HLTF: variants seen among roughly 807,000 people sequenced by gnomAD.
The protein encoded by HLTF is DNA-dependent ATPase/E3 ubiquitin-protein ligase HLTF.
In HLTF, 127 loss-of-function variants were observed where a neutral mutation model predicts 129.4. The observed-to-expected ratio is 0.98, with a 90% CI of 0.85 to 1.14. The LOEUF is 1.14. HLTF is among the 50% of genes most tolerant of loss of function. The pLI is 0.00. For missense variants in HLTF, 1,139 were observed against 1,187.1 expected, an observed-to-expected ratio of 0.96 and a Z score of 0.60; for synonymous variants, 332 against 388.8, an observed-to-expected ratio of 0.85 and a Z score of 1.72.
chr3:149,036,130 A>G (rs980130149), intron 23 of HLTF, among the ~76,000 whole-genome samples: 8 of 151,634 alleles, frequency 5.3e-5, no homozygotes, highest in Non-Finnish European at 7.4e-5. Flanking sequence ...GCGAGACTAC[A>G]TCTCAAAAAA....
At chr3:149,039,473 A>C (rs530609093) in intron 22 of HLTF, 108 bp downstream of exon 22, 1 of 637,644 alleles carries the variant, frequency 1.6e-6, no homozygotes, top group Admixed American at 3.6e-5. Flanking sequence ...TCTTTCAGAT[A>C]AAATGACTAA....
At position 149,061,785 on chromosome 3, in the gene HLTF, G is replaced by A. The variant is rs574556252; in HGVS notation, c.1161-927C>T. ...CGGGAGGCAGAGGTTGCAGTGAGCC[G>A]AGATCATGCCATTGCACTCCAGCCT... On this transcript the variant is annotated intron_variant, in intron 10 of 24. Coordinates refer to ENST00000310053, the MANE Select transcript of HLTF (RefSeq NM_003071.4). Among the ~76,000 whole-genome samples the A allele has an allele frequency of 4.0e-5, 6 of 149,254 alleles. No individual in the cohort carries two copies. In the South Asian group the frequency reaches 1.3e-3, roughly 31 times the overall value.
Position 149,031,967 on chromosome 3 carries a change from C to T in HLTF, c.*253G>A, listed in dbSNP as rs1715096213. On this transcript the variant is annotated 3_prime_UTR_variant, in exon 25 of 25. Coordinates refer to ENST00000310053, the MANE Select transcript of HLTF (RefSeq NM_003071.4). The stretch of plus-strand genomic sequence containing the variant: ...TACTCAGCATAGATATTATGAAAAG[C>T]TGAATAACAAAGTAACCTTTTTTCT... The T allele has an allele frequency of 2.0e-5, 5 of 252,002 alleles. No individual in the cohort carries two copies. 15.6% of individuals were successfully genotyped at this position (252,002 alleles called of 1,614,324 possible). A position where few individuals can be genotyped will look rare whatever the true frequency, so the allele number is the denominator to read the frequency against.
rs557624447 is a variant in HLTF, at chr3:149,045,598, T to G, written c.2072+482A>C. On this transcript the variant is annotated intron_variant, in intron 18 of 24. Transcript: ENST00000310053. ...ATTCCTATCAAACCTGCTTTGTACC[T>G]ACCTCACTGAAGTTTTTATGTTTTG... Among the ~76,000 whole-genome samples, 16 of 152,326 alleles carry G rather than the reference T, an allele frequency of 1.1e-4. No homozygotes were observed. The East Asian group carries it at 2.9e-3, about 28-fold the overall frequency.
chr3:149,079,558 T>C (rs1274655261), intron 2 of HLTF, among the ~76,000 whole-genome samples: 2 of 151,666 alleles, frequency 1.3e-5, no homozygotes, highest in African/African-American at 2.4e-5. Flanking sequence ...AGGAAGGCAA[T>C]AGGATGGAGC....
intron 2 of HLTF, among the ~76,000 whole-genome samples, chr3:149,079,373 T>TAAAAAAAAAAAAAAAAAAAAAAAA (rs71135659): frequency 1.7e-5 from 1 of 57,230 alleles, no homozygotes; most frequent in African/African-American, 6.3e-5. Context: ...CGACAGTTTC[T>TAAAAAAAAAAAAAAAAAAAAAAAA]AAAAAAAAAA....
chr3:149,083,288 A>C (rs1302519648), intron 2 of HLTF, among the ~76,000 whole-genome samples: 2 of 152,042 alleles, frequency 1.3e-5, no homozygotes, highest in Non-Finnish European at 2.9e-5. Flanking sequence ...AACATGCATT[A>C]ATTATAAAAT....
intron 8 of HLTF, among the ~76,000 whole-genome samples, chr3:149,068,034 C>T (rs1718545748): frequency 6.6e-6 from 1 of 152,094 alleles, no homozygotes; most frequent in Admixed American, 6.5e-5. Flanking sequence ...GCACTCCAGC[C>T]TGGGCAACAG....
intron 24 of HLTF, among the ~76,000 whole-genome samples, chr3:149,034,407 T>C (rs1715392674): frequency 6.6e-6 from 1 of 152,040 alleles, no homozygotes; most frequent in African/African-American, 2.4e-5. Flanking sequence ...AGTAGAATGG[T>C]AGTTGCCAGG....
In HLTF at chr3:149,030,173, A is replaced by G. The variant is rs557682228; in HGVS notation, c.*2047T>C. On this transcript the variant is annotated 3_prime_UTR_variant, in exon 25 of 25. Transcript: ENST00000310053. The stretch of plus-strand genomic sequence containing the variant: ...TTTTTAAATTTAAAATCCAGTTTTA[A>G]CCACAAAATTGTTTGAATCACAAGT... 2 of 152,324 alleles carry G rather than the reference A, an allele frequency of 1.3e-5. No homozygotes were observed. Among genetic ancestry groups the G allele is most frequent in the South Asian group, 4.1e-4 (2 of 4,830 alleles). 9.4% of individuals were successfully genotyped at this position (152,324 alleles called of 1,614,324 possible).
At chr3:149,039,925 C>T in intron 21 of HLTF, 106 bp downstream of exon 21, 1 of 1,052,054 alleles carries the variant, frequency 9.5e-7, no homozygotes, top group South Asian at 1.7e-5. Flanking sequence ...CAACAGAACA[C>T]TAAAATGACA....
chr3:149,053,569 T>A (rs745669136), intron 14 of HLTF, among the ~76,000 whole-genome samples: 1 of 152,128 alleles, frequency 6.6e-6, no homozygotes, highest in Non-Finnish European at 1.5e-5. Flanking sequence ...CAATTAAAAC[T>A]CTTAAATTAT....
In HLTF at chr3:149,050,259, C is replaced by T. The variant is rs144685464; in HGVS notation, c.1590G>A (p.Thr530=). 207 of 1,589,196 alleles carry T rather than the reference C, an allele frequency of 1.3e-4. No homozygotes were observed. The highest frequency in any genetic ancestry group is 1.7e-4 in the Non-Finnish European group (197 of 1,159,872). ...LLSKQDIVLT[T]YNILTHDYGT... ...CATAGTCATGAGTTAAAATATTATACGTAGTCAAAACAATATCCTGTTTTG... is the reference window on the plus strand; with the variant it reads ...CATAGTCATGAGTTAAAATATTATATGTAGTCAAAACAATATCCTGTTTTG... Residue 530 remains threonine (T), a synonymous_variant, in exon 15 of 25, where the codon ACG becomes ACA. Coordinates refer to ENST00000310053, the MANE Select transcript of HLTF (RefSeq NM_003071.4).
intron 7 of HLTF, among the ~76,000 whole-genome samples, chr3:149,069,860 A>T (rs1244803311): frequency 6.6e-6 from 1 of 152,230 alleles, no homozygotes; most frequent in Non-Finnish European, 1.5e-5. Context: ...GTTGTGTGTG[A>T]CACTATGAAC....
At chr3:149,075,806 T>C (rs1719296736) in intron 3 of HLTF, 75 bp downstream of exon 3, 3 of 966,334 alleles carry the variant, frequency 3.1e-6, no homozygotes, top group South Asian at 3.8e-5. Context: ...TTATAGGCTC[T>C]AACAAGAAGC....
At position 149,061,277 on chromosome 3, in the gene HLTF, G is replaced by C. The variant is rs116162490; in HGVS notation, c.1161-419C>G. ...AATAAATTTGATAGCCGGGCGTGGT[G>C]GTGGGTGCCTGTAGTCCCAGCTACT... On this transcript the variant is annotated intron_variant, in intron 10 of 24. Transcript: ENST00000310053. Among the ~76,000 whole-genome samples the C allele has an allele frequency of 9.6e-3, 1,466 of 152,140 alleles. 26 individuals are homozygous for C. Among genetic ancestry groups the C allele is most frequent in the African/African-American group, 0.033 (1,365 of 41,498 alleles).
rs1275299948 is a variant in HLTF at position 149,041,633 on chromosome 3, T to G, written c.2233A>C (p.Ile745Leu). The change falls in exon 20 of 25, where the codon ATA becomes CTA. Residue 745 changes from isoleucine to leucine, a missense_variant. Coordinates refer to ENST00000310053, the MANE Select transcript of HLTF (RefSeq NM_003071.4). ...DTPEELRKKL[I>L]RKMKLILSSG... is the part of the protein sequence containing the mutation. ...CTCAGAATTAACTTCATCTTCCTTA[T>G]TAACTTCTTTCTCAGTTCTTCAGGT... 6.2e-7 allele frequency: 1 copy of G among 1,612,414 alleles called. No homozygotes were observed. The highest frequency in any genetic ancestry group is 1.3e-5 in the African/African-American group (1 of 74,880).
intron 13 of HLTF, among the ~76,000 whole-genome samples, chr3:149,057,706 C>T (rs1717595866): frequency 6.6e-6 from 1 of 152,154 alleles, no homozygotes; most frequent in African/African-American, 2.4e-5. Context: ...GAACGTGAAA[C>T]TGCAGATAAA....
At chr3:149,053,677 AGT>A (rs1717180231) in intron 14 of HLTF, among the ~76,000 whole-genome samples, 1 of 152,136 alleles carries the variant, frequency 6.6e-6, no homozygotes, top group South Asian at 2.1e-4. Context: ...AAATTCACAG[AGT>A]GTGCATGATC....
Sources: allele counts gnomAD v4.1 joint callset (sites outside exome capture counted in the v4.1 genomes callset), GRCh38; gene constraint gnomAD v4.1.1; transcripts MANE v1.5; gene names NCBI Gene and HGNC (gene_info 2026-07-23, HGNC 2026-07-21).